Variants in LYST observed in about 807,000 individuals in gnomAD.
LYST encodes the protein lysosomal-trafficking regulator.
Under a neutral mutation model 413.6 loss-of-function variants are expected in LYST, and 192 were observed. The observed-to-expected ratio is 0.46, with a 90% confidence interval of 0.41 to 0.52. The LOEUF (loss-of-function observed/expected upper bound fraction) is 0.52. Ranked by LOEUF, LYST falls within the 20% of genes least tolerant of loss-of-function variation. The probability of loss-of-function intolerance (pLI) is 0.00; values close to 1 mark genes in which losing one functional copy is unlikely to be tolerated. For synonymous variants in LYST, 1,525 were observed against 1,567.3 expected, an observed-to-expected ratio of 0.97 and a Z score of 0.64; for missense variants, 3,815 against 4,499.9, an observed-to-expected ratio of 0.85 and a Z score of 4.35.
chr1:235,714,863 A>G (rs1480165867), intron 42 of LYST, among the ~76,000 whole-genome samples: 4 of 152,248 alleles, frequency 2.6e-5, no homozygotes, highest in African/African-American at 9.6e-5. Flanking sequence ...TGGATTTGAA[A>G]TAAGTATTAG....
At chr1:235,730,724 G>A (rs555708285) in intron 36 of LYST, 123 bp downstream of exon 36, 187 of 768,656 alleles carry the variant, frequency 2.4e-4, no homozygotes, top group Admixed American at 6.3e-4. Flanking sequence ...GTCCTCCCTT[G>A]AGCCTTTCCT....
chr1:235,666,638 G>GCACA (rs1558096180), intron 50 of LYST, among the ~76,000 whole-genome samples: 3 of 100,042 alleles, frequency 3.0e-5, no homozygotes, highest in African/African-American at 1.1e-4. Flanking sequence ...ACACACACAT[G>GCACA]CCCAATGTTC....
chr1:235,712,230 A>G, intron 42 of LYST, 33 bp from the exon 43 acceptor site: 4 of 1,479,908 alleles, frequency 2.7e-6, no homozygotes, highest in African/African-American at 2.8e-5. Context: ...CGATTAAGAC[A>G]CAAAGACCTA....
intron 50 of LYST, among the ~76,000 whole-genome samples, chr1:235,671,947 T>C (rs1658975415): frequency 6.6e-6 from 1 of 152,172 alleles, no homozygotes; most frequent in Non-Finnish European, 1.5e-5. Context: ...TTTGGACTAG[T>C]GTGATAGATG....
chr1:235,878,451 T>C (rs552051150), intron 1 of LYST, among the ~76,000 whole-genome samples: 1 of 152,176 alleles, frequency 6.6e-6, no homozygotes, highest in Non-Finnish European at 1.5e-5. Flanking sequence ...ACATGTTCCC[T>C]AATAGTCAGA....
chr1:235,762,997 A>G lies in LYST; in HGVS notation c.6122-146T>C, dbSNP rs564169668. 72 of 649,684 alleles carry G rather than the reference A, an allele frequency of 1.1e-4. 1 individual carries two copies. In the South Asian group the frequency reaches 1.3e-3, roughly 12 times the overall value. The allele number at this position is 649,684 out of a possible 1,614,324, so 40.2% of individuals were successfully genotyped here. On this transcript the variant is annotated intron_variant, in intron 21 of 52. Transcript: ENST00000389793. ...TATAGCATACTTTATATTAAGGCACACGATATGTGAATACTTACTCTTCAC... is the reference window on the plus strand; with the variant it reads ...TATAGCATACTTTATATTAAGGCACGCGATATGTGAATACTTACTCTTCAC...
At chr1:235,681,116 G>C (rs1659781358) in intron 48 of LYST, among the ~76,000 whole-genome samples, 1 of 152,142 alleles carries the variant, frequency 6.6e-6, no homozygotes, top group Non-Finnish European at 1.5e-5. Flanking sequence ...CCACAGATAA[G>C]TCGCTTCCTC....
rs1215274878 is a variant in LYST, at chr1:235,802,910, T to A, written c.3710A>T (p.Asp1237Val). 1 of 1,613,360 alleles carries A rather than the reference T, an allele frequency of 6.2e-7. No individual in the cohort carries two copies. Among genetic ancestry groups the A allele is most frequent in the Non-Finnish European group, 8.5e-7 (1 of 1,179,738 alleles). The change falls in exon 8 of 53, where the codon GAT (aspartate) becomes GTT (valine). Residue 1237 changes from aspartate to valine, a missense_variant and splice_region_variant. Asp to Val is a radical substitution (Grantham distance 152, BLOSUM62 -3). This residue lies in a region of LYST where 1,648 missense variants were observed against 1,810.3 expected (regional missense o/e 0.91). Transcript: ENST00000389793. ...SNPEDGETQD[D>V]GVDLKSETEG... ...CAAGCACTTCAATGATATTTTACCA[T>A]CATCCTGGGTTTCGCCATCTTCAGG...
intron 1 of LYST, chr1:235,839,806 AAAAAT>A (rs1246368087): frequency 6.6e-6 from 1 of 151,998 alleles, no homozygotes; most frequent in African/African-American, 2.4e-5. Context: ...CTCTGTCTCA[AAAAAT>A]AAAATAAAAT....
intron 7 of LYST, among the ~76,000 whole-genome samples, chr1:235,803,860 T>C (rs564710699): frequency 6.6e-6 from 1 of 152,132 alleles, no homozygotes; most frequent in South Asian, 2.1e-4. Context: ...ATTATATATA[T>C]GGCTAGATCA....
At chr1:235,853,532 TCTGGGGGAAGAATGGAAA>T in intron 1 of LYST, among the ~76,000 whole-genome samples, 1 of 152,060 alleles carries the variant, frequency 6.6e-6, no homozygotes. Context: ...AGGCAGTAGT[TCTGGGGGAAGAATGGAAA>T]TCTAAGACAG....
At chr1:235,851,387 T>C (rs1398899925) in intron 1 of LYST, among the ~76,000 whole-genome samples, 1 of 146,238 alleles carries the variant, frequency 6.8e-6, no homozygotes, top group Non-Finnish European at 1.5e-5. Flanking sequence ...TACAATGGAC[T>C]CTGAGGACTT....
intron 3 of LYST, among the ~76,000 whole-genome samples, chr1:235,826,622 G>A (rs1006393744): frequency 6.6e-6 from 1 of 152,172 alleles, no homozygotes; most frequent in Admixed American, 6.6e-5. Flanking sequence ...AACTTTCTAA[G>A]GTGGCGGAAA....
At chr1:235,746,687 T>G (rs1221071601) in intron 28 of LYST, among the ~76,000 whole-genome samples, 160 bp from the exon 29 acceptor site, 2 of 152,202 alleles carry the variant, frequency 1.3e-5, no homozygotes. Flanking sequence ...AAAATGATGC[T>G]TCTCCCTCTT....
At chr1:235,755,745 T>C (rs1220622816) in intron 24 of LYST, 98 bp from the exon 25 acceptor site, 1 of 713,842 alleles carries the variant, frequency 1.4e-6, no homozygotes, top group African/African-American at 1.8e-5. Flanking sequence ...ATTAAGTTCA[T>C]ATGTACAGAA....
rs112280438 is a variant in LYST at position 235,809,696 on chromosome 1, A to G, written c.1122T>C (p.Phe374=). The change falls in exon 5 of 53, where the codon TTT becomes TTC. Residue 374 remains phenylalanine, a synonymous_variant. Transcript: ENST00000389793. This position sits in a 1 kb window ranked among gnomAD's most constrained non-coding sequence, Gnocchi z 4.0. The stretch of plus-strand genomic sequence containing the variant: ...GCAGTGTTTTCTTTTGTCTTGGTGC[A>G]AAAGGGTCAGGCTGCTTTTCTAGGC... ...RICLEKQPDP[F]APRQKKTLQE... The G allele has an allele frequency of 3.2e-5, 52 of 1,613,702 alleles. 1 individual carries two copies. The African/African-American group carries it at 3.5e-4, about 11-fold the overall frequency.
intron 43 of LYST, among the ~76,000 whole-genome samples, chr1:235,710,845 T>TAGG (rs1461405961): frequency 1.3e-5 from 2 of 152,166 alleles, no homozygotes; most frequent in Admixed American, 6.5e-5. Context: ...AGTTGCCAAG[T>TAGG]AGGACATCCA....
Position 235,810,291 on chromosome 1 carries a change from C to T in LYST, c.527G>A (p.Gly176Asp), listed in dbSNP as rs756923995. ...SDSEANSDEK[G>D]IAMNKHRRPH... ...CCTTCTATGCTTATTCATTGCTATG[C>T]CTTTTTCATCTGAATTGGCTTCTGA... is the stretch of plus-strand genomic sequence containing the variant. The change falls in exon 5 of 53, where the codon GGC becomes GAC. Residue 176 changes from glycine to aspartate, a missense_variant. This residue lies in a region of LYST where 1,648 missense variants were observed against 1,810.3 expected (regional missense o/e 0.91). Coordinates refer to ENST00000389793, the MANE Select transcript of LYST (RefSeq NM_000081.4). 1 of 1,614,108 alleles carries T rather than the reference C, an allele frequency of 6.2e-7. No homozygotes were observed. The highest frequency in any genetic ancestry group is 8.5e-7 in the Non-Finnish European group (1 of 1,179,984).
chr1:235,680,842 G>A (rs1184591517), intron 48 of LYST, among the ~76,000 whole-genome samples: 4 of 151,976 alleles, frequency 2.6e-5, no homozygotes, highest in East Asian at 3.9e-4. Context: ...CAGGTGATCC[G>A]CCTGCCTCAG....
Sources: allele counts gnomAD v4.1 joint callset (sites outside exome capture counted in the v4.1 genomes callset), GRCh38; gene constraint gnomAD v4.1.1; regional missense constraint gnomAD v4.1.1; non-coding constraint Gnocchi (gnomAD v3.1); transcripts MANE v1.5; gene names NCBI Gene and HGNC (gene_info 2026-07-23, HGNC 2026-07-21).